The following ST6GAL1 variants were observed in gnomAD, a reference collection of about 807,000 sequenced individuals.
ST6GAL1 encodes the protein beta-galactoside alpha-2,6-sialyltransferase 1.
Under a neutral mutation model 38.0 loss-of-function variants are expected in ST6GAL1, and 20 were observed. That is an observed-to-expected ratio of 0.53 (90% CI 0.37 to 0.77). The LOEUF (loss-of-function observed/expected upper bound fraction) is 0.77, where lower values mean the gene tolerates loss of function less well. Among genes scored for constraint, ST6GAL1 ranks in the 30% least tolerant of loss-of-function variants. The pLI, the probability that ST6GAL1 is intolerant of heterozygous loss-of-function variation, is 0.00. For synonymous variants in ST6GAL1, 196 were observed against 188.2 expected (o/e 1.04, Z -0.34); for missense variants, 432 against 496.4 (o/e 0.87, Z 1.23).
intron 1 of ST6GAL1, among the ~76,000 whole-genome samples, chr3:186,938,135 G>T (rs1223329978): frequency 1.3e-5 from 2 of 152,330 alleles, no homozygotes; most frequent in African/African-American, 4.8e-5. Context: ...TTTTCCAGAT[G>T]ATTCCCATAG....
At chr3:187,020,831 T>C (rs1034419683) in intron 2 of ST6GAL1, among the ~76,000 whole-genome samples, 2 of 152,190 alleles carry the variant, frequency 1.3e-5, no homozygotes, top group Non-Finnish European at 2.9e-5. Context: ...TTATACATTT[T>C]AGGGAGACAG....
intron 5 of ST6GAL1, among the ~76,000 whole-genome samples, chr3:187,056,386 A>T (rs1036570952): frequency 2.0e-5 from 3 of 152,186 alleles, no homozygotes; most frequent in Admixed American, 2.0e-4. Flanking sequence ...GATGTAGTTT[A>T]TTCCTAGCAT....
chr3:187,060,615 T>C (rs1170845073), intron 5 of ST6GAL1, among the ~76,000 whole-genome samples: 2 of 151,986 alleles, frequency 1.3e-5, no homozygotes, highest in Non-Finnish European at 2.9e-5. Context: ...TGCACAAGAG[T>C]AGGGGTGAAG....
chr3:186,950,384 A>C (rs548086780), intron 1 of ST6GAL1, among the ~76,000 whole-genome samples: 8 of 152,060 alleles, frequency 5.3e-5, no homozygotes, highest in Non-Finnish European at 1.2e-4. Flanking sequence ...ATGGGCAGGA[A>C]TCCAGCCAGG....
In ST6GAL1 at chr3:187,076,844, C is replaced by G. The variant is rs1443790734; in HGVS notation, c.*1041C>G. ...GTGCAGCCTCACGACAGATACCAGG[C>G]AATCCAGAGCCACAAAACGTGATTC... On this transcript the variant is annotated 3_prime_UTR_variant, in exon 8 of 8. Coordinates refer to ENST00000169298, the MANE Select transcript of ST6GAL1 (RefSeq NM_173216.2). 3 of 398,968 alleles carry G rather than the reference C, an allele frequency of 7.5e-6. No homozygotes were observed. Among genetic ancestry groups the G allele is most frequent in the Non-Finnish European group, 1.3e-5 (3 of 226,086 alleles). The allele number at this position is 398,968 out of a possible 1,614,324, so 24.7% of individuals were successfully genotyped here.
intron 4 of ST6GAL1, among the ~76,000 whole-genome samples, chr3:187,048,276 T>C (rs886622888): frequency 1.3e-5 from 2 of 152,148 alleles, no homozygotes; most frequent in African/African-American, 4.8e-5. Context: ...ACGTCCAAAC[T>C]TCATACCTGG....
chr3:186,957,412 CAG>C (rs1479121702), intron 1 of ST6GAL1, among the ~76,000 whole-genome samples: 2 of 152,128 alleles, frequency 1.3e-5, no homozygotes, highest in Non-Finnish European at 2.9e-5. Flanking sequence ...CACTGCACTC[CAG>C]CCTGGGCAAC....
At chr3:186,958,988 AT>A (rs1714843727) in intron 1 of ST6GAL1, among the ~76,000 whole-genome samples, 1 of 150,548 alleles carries the variant, frequency 6.6e-6, no homozygotes, top group East Asian at 1.9e-4. Flanking sequence ...AAATAAATAA[AT>A]AAATAAAATA....
At chr3:186,937,466 CTTAACT>C (rs1330306156) in intron 1 of ST6GAL1, among the ~76,000 whole-genome samples, 4 of 152,196 alleles carry the variant, frequency 2.6e-5, no homozygotes, top group Non-Finnish European at 5.9e-5. Flanking sequence ...CCTTCAAAAA[CTTAACT>C]TTAATACCCC....
intron 2 of ST6GAL1, among the ~76,000 whole-genome samples, chr3:187,037,172 A>G (rs1234211116): frequency 1.3e-5 from 2 of 152,246 alleles, no homozygotes; most frequent in Non-Finnish European, 2.9e-5. Context: ...ACATTAATTT[A>G]TATGATCCTT....
intron 5 of ST6GAL1, among the ~76,000 whole-genome samples, chr3:187,070,178 A>G (rs1719312441): frequency 6.6e-6 from 1 of 152,164 alleles, no homozygotes; most frequent in South Asian, 2.1e-4. Flanking sequence ...ATTTATCTAT[A>G]AGAGAGGCTA....
In ST6GAL1 at chr3:187,063,610, G is replaced by A. The variant is rs187570414; in HGVS notation, c.706-9239G>A. On this transcript the variant is annotated intron_variant, in intron 5 of 7. Transcript: ENST00000169298. The stretch of plus-strand genomic sequence containing the variant: ...AAAGAGGAGAGGGGAGAGGGGAGGA[G>A]CCCTCCCTGAGCACTCTCTTGGACT... Among the ~76,000 whole-genome samples, 25 of 152,138 alleles carry A rather than the reference G, an allele frequency of 1.6e-4. No homozygotes were observed. The East Asian group carries it at 4.8e-3, about 29-fold the overall frequency.
At chr3:187,027,682 G>A (rs1046375785) in intron 2 of ST6GAL1, among the ~76,000 whole-genome samples, 8 of 152,048 alleles carry the variant, frequency 5.3e-5, no homozygotes, top group Non-Finnish European at 1.0e-4. Flanking sequence ...CCGACTTTCC[G>A]GACTCAGTGC....
At chr3:186,954,028 G>A (rs541796203) in intron 1 of ST6GAL1, among the ~76,000 whole-genome samples, 2 of 152,104 alleles carry the variant, frequency 1.3e-5, no homozygotes, top group East Asian at 1.9e-4. Flanking sequence ...TCCCCTCCCT[G>A]TGTCCATGTG....
At chr3:186,945,783 G>A (rs1005828388) in intron 1 of ST6GAL1, among the ~76,000 whole-genome samples, 3 of 148,528 alleles carry the variant, frequency 2.0e-5, no homozygotes, top group African/African-American at 7.5e-5. Flanking sequence ...TCAGGAGATC[G>A]AGACCATCCT....
chr3:186,994,482 A>G (rs190244804), intron 2 of ST6GAL1, among the ~76,000 whole-genome samples: 5 of 152,272 alleles, frequency 3.3e-5, no homozygotes, highest in African/African-American at 4.8e-5. Context: ...TAAACAGACC[A>G]TATATTCTGT....
chr3:186,999,073 G>T (rs1405956847), intron 2 of ST6GAL1, among the ~76,000 whole-genome samples: 5 of 152,238 alleles, frequency 3.3e-5, no homozygotes, highest in Admixed American at 3.3e-4. Context: ...CAATGCAGGG[G>T]TATCTTATTT....
At chr3:186,987,200 G>GAGGA (rs1553821932) in intron 2 of ST6GAL1, among the ~76,000 whole-genome samples, 10 of 138,776 alleles carry the variant, frequency 7.2e-5, no homozygotes, top group South Asian at 2.5e-4. Context: ...GGGAGGGAGG[G>GAGGA]AAGGAAAGAA....
At position 187,075,417 on chromosome 3, in the gene ST6GAL1, T is replaced by G; in HGVS notation, c.980-145T>G. ...CTGCTGGGCTTGGCTTGCTGAAACT[T>G]AGATTGGGAATCACAGTCATAAATA... On this transcript the variant is annotated intron_variant, in intron 7 of 7. Transcript: ENST00000169298. The surrounding 1 kb of genome is among the most constrained non-coding windows in gnomAD (Gnocchi z 4.1). The G allele has an allele frequency of 1.6e-6, 2 of 1,282,478 alleles. No individual in the cohort carries two copies. The highest frequency in any genetic ancestry group is 2.1e-6 in the Non-Finnish European group (2 of 936,418). 79.4% of individuals were successfully genotyped at this position (1,282,478 alleles called of 1,614,324 possible).
Sources: allele counts gnomAD v4.1 joint callset (sites outside exome capture counted in the v4.1 genomes callset), GRCh38; gene constraint gnomAD v4.1.1; non-coding constraint Gnocchi (gnomAD v3.1); transcripts MANE v1.5; gene names NCBI Gene and HGNC (gene_info 2026-07-23, HGNC 2026-07-21).